RBBP4: variants seen among roughly 807,000 people sequenced by gnomAD.
RBBP4 encodes the protein RB binding protein 4, chromatin remodeling factor, also known as histone-binding protein RBBP4.
In RBBP4, 3 loss-of-function variants were observed where a neutral mutation model predicts 57.2. That is an observed-to-expected ratio of 0.05 (90% CI 0.02 to 0.14). The LOEUF is 0.14. Ranked by LOEUF, RBBP4 falls within the 10% of genes least tolerant of loss-of-function variation. The pLI is 1.00. For synonymous variants in RBBP4, 151 were observed against 171.5 expected, an observed-to-expected ratio of 0.88 and a Z score of 0.93; for missense variants, 107 against 520.6, an observed-to-expected ratio of 0.21 and a Z score of 7.73.
chr1:32,675,987 C>T (rs1044242106), intron 11 of RBBP4, among the ~76,000 whole-genome samples: 9 of 150,060 alleles, frequency 6.0e-5, no homozygotes, highest in Admixed American at 2.0e-4. Context: ...CTTGGGAGGC[C>T]GAGGCAGGAG....
rs1570880304 is a variant in RBBP4, at chr1:32,679,893, C to G, written c.*188C>G. 7.7e-7 allele frequency: 1 copy of G among 1,305,294 alleles called. No individual in the cohort carries two copies. The highest frequency in any genetic ancestry group is 3.1e-5 in the East Asian group (1 of 32,100). 80.9% of individuals were successfully genotyped at this position (1,305,294 alleles called of 1,614,324 possible). A position where few individuals can be genotyped will look rare whatever the true frequency, so the allele number is the denominator to read the frequency against. On this transcript the variant is annotated 3_prime_UTR_variant, in exon 12 of 12. Transcript: ENST00000373493. ...AATAGGGGGGCTTGATTCAACAAAG[C>G]CACAGACTTAACGTTGAAATTTTCT... is the stretch of plus-strand genomic sequence containing the variant.
intron 11 of RBBP4, 150 bp from the exon 12 acceptor site, chr1:32,679,490 C>T: frequency 1.7e-6 from 1 of 576,454 alleles, no homozygotes. Context: ...CGGATACTTT[C>T]ATCCAAGAGT....
chr1:32,668,114 T>G (rs1648732457), intron 3 of RBBP4, 111 bp from the exon 4 acceptor site: 1 of 974,290 alleles, frequency 1.0e-6, no homozygotes, highest in Non-Finnish European at 1.5e-6. Flanking sequence ...ACATCTAGTA[T>G]TATGCCAGTT....
rs546992222 is a variant in RBBP4, at chr1:32,651,489, C to T, written c.16+167C>T. The T allele has an allele frequency of 1.0e-4, 142 of 1,360,942 alleles. No homozygotes were observed. In the East Asian group the frequency reaches 3.1e-3, roughly 30 times the overall value. 84.3% of individuals were successfully genotyped at this position (1,360,942 alleles called of 1,614,324 possible). On this transcript the variant is annotated intron_variant, in intron 1 of 11. Transcript: ENST00000373493. ...GGGGCGTGCTAACGGCTCGCCAGTT[C>T]CCTGGGACCGATTTCGGTCGCAGCT...
rs577194846 is a variant in RBBP4 at position 32,662,690 on chromosome 1, G to A, written c.310+5118G>A. ...TGCCCAGCCTAGTTTTGTTTTTTAA[G>A]GAAGTGATATCTCAGCCCAGGCGCA... On this transcript the variant is annotated intron_variant, in intron 3 of 11. Coordinates refer to ENST00000373493, the MANE Select transcript of RBBP4 (RefSeq NM_005610.3). 2.0e-5 allele frequency among the ~76,000 whole-genome samples: 3 copies of A among 151,690 alleles called. No homozygotes were observed. In the East Asian group the frequency reaches 5.9e-4, roughly 30 times the overall value.
Position 32,662,925 on chromosome 1 carries a change from A to G in RBBP4, c.311-5300A>G, listed in dbSNP as rs372965580. Among the ~76,000 whole-genome samples, 15 of 152,194 alleles carry G rather than the reference A, an allele frequency of 9.9e-5. No homozygotes were observed. The East Asian group carries it at 2.0e-3, about 20-fold the overall frequency. ...CTTGAACCCAGGAGGCGGAGGTTGC[A>G]GTGAGCCGAGATCGTGCTACTACTG... On this transcript the variant is annotated intron_variant, in intron 3 of 11. Coordinates refer to ENST00000373493, the MANE Select transcript of RBBP4 (RefSeq NM_005610.3).
rs1450119970 is a variant in RBBP4, at chr1:32,682,108, G to A, written c.*2403G>A. ...TAATTACAATGCCTGAAATTCTGTA[G>A]TTTCATTTCTTTGGATTAGTCGTTG... is the stretch of plus-strand genomic sequence containing the variant. On this transcript the variant is annotated 3_prime_UTR_variant, in exon 12 of 12. Coordinates refer to ENST00000373493, the MANE Select transcript of RBBP4 (RefSeq NM_005610.3). 8.2e-6 allele frequency: 4 copies of A among 487,940 alleles called. No homozygotes were observed. In the East Asian group the frequency reaches 1.1e-4, roughly 13 times the overall value. 30.2% of individuals were successfully genotyped at this position (487,940 alleles called of 1,614,324 possible).
chr1:32,676,412 C>T (rs1649102660), intron 11 of RBBP4, among the ~76,000 whole-genome samples: 1 of 151,948 alleles, frequency 6.6e-6, no homozygotes, highest in Non-Finnish European at 1.5e-5. Flanking sequence ...TGAGACCAGC[C>T]TGGTCAACAT....
intron 3 of RBBP4, among the ~76,000 whole-genome samples, chr1:32,667,766 G>A (rs991333323): frequency 2.6e-5 from 4 of 152,166 alleles, no homozygotes; most frequent in African/African-American, 9.7e-5. Flanking sequence ...ATTCACAGAT[G>A]CTGAAGTCTC....
In RBBP4 at chr1:32,684,698, TA is replaced by T; in HGVS notation, c.*4994del. On this transcript the variant is annotated 3_prime_UTR_variant, in exon 12 of 12. Coordinates refer to ENST00000373493, the MANE Select transcript of RBBP4 (RefSeq NM_005610.3). ...TCATTGAGGAGGATTTTGGTCTAGT[TA>T]GTGGGCTGAGTTTCATATACCTCTC... 3.8e-6 allele frequency: 1 copy of T among 259,890 alleles called. No homozygotes were observed. Among genetic ancestry groups the T allele is most frequent in the East Asian group, 8.6e-5 (1 of 11,682 alleles). The allele number at this position is 259,890 out of a possible 1,614,324, so 16.1% of individuals were successfully genotyped here.
chr1:32,658,361 TAA>T (rs59613858), intron 3 of RBBP4, among the ~76,000 whole-genome samples: 4 of 142,060 alleles, frequency 2.8e-5, no homozygotes, highest in African/African-American at 5.2e-5. Flanking sequence ...GGAGCAATAG[TAA>T]AAAAAAAAAA....
chr1:32,663,236 C>T (rs1008814018), intron 3 of RBBP4, among the ~76,000 whole-genome samples: 7 of 152,030 alleles, frequency 4.6e-5, no homozygotes, highest in Non-Finnish European at 1.0e-4. Flanking sequence ...CTGGTGCATA[C>T]ATATATAAAA....
rs1321466798 is a variant in RBBP4 at position 32,682,130 on chromosome 1, G to A, written c.*2425G>A. ...GTAGTTTCATTTCTTTGGATTAGTCGTTGTCTTTTCCAGATTGTACACAAT... is the reference window on the plus strand; with the variant it reads ...GTAGTTTCATTTCTTTGGATTAGTCATTGTCTTTTCCAGATTGTACACAAT... On this transcript the variant is annotated 3_prime_UTR_variant, in exon 12 of 12. Transcript: ENST00000373493. The A allele has an allele frequency of 1.1e-4, 50 of 442,268 alleles. 1 individual carries two copies. The highest frequency in any genetic ancestry group is 8.6e-4 in the South Asian group (33 of 38,212). 27.4% of individuals were successfully genotyped at this position (442,268 alleles called of 1,614,324 possible).
At position 32,651,927 on chromosome 1, in the gene RBBP4, C is replaced by T. The variant is rs759773074; in HGVS notation, c.30C>T (p.Asp10=). 1.4e-5 allele frequency: 22 copies of T among 1,613,636 alleles called. No individual in the cohort carries two copies. In the East Asian group the frequency reaches 4.5e-4, roughly 33 times the overall value. ...TAAAAATTTTAGCAGCCTTCGACGA[C>T]GCAGTGGAAGAACGAGTGATCAACG... MADKEAAFD[D]AVEERVINEE... Residue 10 remains aspartate (D), a synonymous_variant, in exon 2 of 12, where the codon GAC becomes GAT. Transcript: ENST00000373493.
rs771243634 is a variant in RBBP4, at chr1:32,684,081, A to G, written c.*4376A>G. 1.7e-5 allele frequency: 27 copies of G among 1,612,268 alleles called. No individual in the cohort carries two copies. Among genetic ancestry groups the G allele is most frequent in the Non-Finnish European group, 2.2e-5 (26 of 1,179,996 alleles). On this transcript the variant is annotated 3_prime_UTR_variant, in exon 12 of 12. Transcript: ENST00000373493. ...AGCCTGTTCCAGGCTCTTGGGTAGT[A>G]GCATAGCCCTTTAAAAAGAGAGAGC... is the stretch of plus-strand genomic sequence containing the variant.
chr1:32,685,880 A>T lies in RBBP4; in HGVS notation c.*6175A>T. 6.6e-6 allele frequency: 1 copy of T among 152,346 alleles called. No homozygotes were observed. Among genetic ancestry groups the T allele is most frequent in the Non-Finnish European group, 1.5e-5 (1 of 68,050 alleles). The allele number at this position is 152,346 out of a possible 1,614,324, so 9.4% of individuals were successfully genotyped here. On this transcript the variant is annotated 3_prime_UTR_variant, in exon 12 of 12. Transcript: ENST00000373493. ...TTAATCCTGTGTTAACCACTAGATTAACTTTACAATCAACTCAAAATCCTT... is the reference window on the plus strand; with the variant it reads ...TTAATCCTGTGTTAACCACTAGATTTACTTTACAATCAACTCAAAATCCTT...
Position 32,681,684 on chromosome 1 carries a change from A to G in RBBP4, c.*1979A>G. 9.6e-7 allele frequency: 1 copy of G among 1,037,970 alleles called. No homozygotes were observed. The highest frequency in any genetic ancestry group is 2.2e-5 in the Admixed American group (1 of 44,912). 64.3% of individuals were successfully genotyped at this position (1,037,970 alleles called of 1,614,324 possible). A position where few individuals can be genotyped will look rare whatever the true frequency, so the allele number is the denominator to read the frequency against. On this transcript the variant is annotated 3_prime_UTR_variant, in exon 12 of 12. Coordinates refer to ENST00000373493, the MANE Select transcript of RBBP4 (RefSeq NM_005610.3). ...TGTTCTGCCTCCGGCCAACTCTAGA[A>G]TCTTTTTAAGCAGGTCAGCCAGTAT...
chr1:32,676,479 G>A lies in RBBP4; in HGVS notation c.1213-3161G>A, dbSNP rs140782429. Among the ~76,000 whole-genome samples, 24 of 150,690 alleles carry A rather than the reference G, an allele frequency of 1.6e-4. No homozygotes were observed. The East Asian group carries it at 4.0e-3, about 25-fold the overall frequency. ...ACAAAAATTAGCCAGGCATGGTGAC[G>A]GGCGCCTGTAATCCCAGCTACTTGG... On this transcript the variant is annotated intron_variant, in intron 11 of 11. Transcript: ENST00000373493.
At position 32,685,529 on chromosome 1, in the gene RBBP4, G is replaced by T. The variant is rs1380640625; in HGVS notation, c.*5824G>T. On this transcript the variant is annotated 3_prime_UTR_variant, in exon 12 of 12. Coordinates refer to ENST00000373493, the MANE Select transcript of RBBP4 (RefSeq NM_005610.3). ...ATTATTAGAAGGATCTAGATAATTT[G>T]TCCTCTGAGTCATACTTGACATTGT... 6.6e-6 allele frequency: 1 copy of T among 152,208 alleles called. No homozygotes were observed. The highest frequency in any genetic ancestry group is 1.5e-5 in the Non-Finnish European group (1 of 68,038). 9.4% of individuals were successfully genotyped at this position (152,208 alleles called of 1,614,324 possible).
Sources: allele counts gnomAD v4.1 joint callset (sites outside exome capture counted in the v4.1 genomes callset), GRCh38; gene constraint gnomAD v4.1.1; transcripts MANE v1.5; gene names NCBI Gene and HGNC (gene_info 2026-07-23, HGNC 2026-07-21).